The following TBL1XR1 variants were observed in gnomAD, a reference collection of about 807,000 sequenced individuals.
TBL1XR1 encodes the protein TBL1X/Y related 1, also known as F-box-like/WD repeat-containing protein TBL1XR1.
A neutral mutation model predicts 66.9 loss-of-function variants in TBL1XR1; 5 were observed. The ratio of observed to expected loss-of-function variants is 0.07; its 90% confidence interval spans 0.04 to 0.16. The LOEUF is 0.16. TBL1XR1 is among the 10% of genes least tolerant of loss of function. The pLI is 1.00. For missense variants in TBL1XR1, 238 were observed against 623.2 expected, an observed-to-expected ratio of 0.38 and a Z score of 6.58; for synonymous variants, 210 against 206.0, an observed-to-expected ratio of 1.02 and a Z score of -0.17.
chr3:177,172,716 C>T (rs1733710963), intron 1 of TBL1XR1, among the ~76,000 whole-genome samples: 1 of 146,678 alleles, frequency 6.8e-6, no homozygotes, highest in African/African-American at 2.5e-5. Flanking sequence ...AGAGAAGAGC[C>T]AAGCCGAGCC....
At chr3:177,184,747 G>A (rs1735209785) in intron 1 of TBL1XR1, among the ~76,000 whole-genome samples, 2 of 151,472 alleles carry the variant, frequency 1.3e-5, no homozygotes, top group African/African-American at 4.9e-5. Flanking sequence ...GCTGCAGTAA[G>A]CCGATCGCAC....
At chr3:177,196,073 T>C (rs1736815237) in intron 1 of TBL1XR1, among the ~76,000 whole-genome samples, 1 of 152,304 alleles carries the variant, frequency 6.6e-6, no homozygotes, top group Non-Finnish European at 1.5e-5. Flanking sequence ...AATACACCAT[T>C]TTCACAACCT....
chr3:177,184,620 G>A (rs903340249), intron 1 of TBL1XR1, among the ~76,000 whole-genome samples: 1 of 152,126 alleles, frequency 6.6e-6, no homozygotes, highest in Non-Finnish European at 1.5e-5. Context: ...TGTCCAACAT[G>A]GTGAAATCCC....
rs192419909 is a variant in TBL1XR1, at chr3:177,133,137, A to C, written c.-121-34596T>G. Among the ~76,000 whole-genome samples the C allele has an allele frequency of 4.1e-3, 625 of 151,976 alleles. 2 individuals carry two copies. Among genetic ancestry groups the C allele is most frequent in the African/African-American group, 0.014 (566 of 41,452 alleles). On this transcript the variant is annotated intron_variant, in intron 1 of 15. Transcript: ENST00000457928. ...CCCATCTCTACTAAAAATACAAAAA[A>C]CTAGCCGGGCATGGTGGCGCACATC... is the stretch of plus-strand genomic sequence containing the variant.
At chr3:177,118,967 G>GT (rs956725506) in intron 1 of TBL1XR1, among the ~76,000 whole-genome samples, 6 of 151,842 alleles carry the variant, frequency 4.0e-5, no homozygotes, top group South Asian at 2.1e-4. Context: ...GGATAATCAG[G>GT]TTTTTTTTGT....
intron 10 of TBL1XR1, among the ~76,000 whole-genome samples, chr3:177,041,744 A>G (rs991748978): frequency 2.6e-5 from 4 of 152,144 alleles, no homozygotes; most frequent in Non-Finnish European, 4.4e-5. Context: ...GGCTATTGTA[A>G]GTTATGTCCC....
intron 1 of TBL1XR1, among the ~76,000 whole-genome samples, chr3:177,138,496 G>T (rs1343251029): frequency 6.6e-6 from 1 of 152,082 alleles, no homozygotes; most frequent in Non-Finnish European, 1.5e-5. Context: ...GGAGGCTGAG[G>T]TGAGAGGATC....
At chr3:177,147,375 T>A (rs1343119285) in intron 1 of TBL1XR1, among the ~76,000 whole-genome samples, 1 of 152,162 alleles carries the variant, frequency 6.6e-6, no homozygotes, top group Non-Finnish European at 1.5e-5. Context: ...ACTATAAATA[T>A]GTGGTGATGG....
intron 5 of TBL1XR1, 144 bp from the exon 6 acceptor site, chr3:177,050,754 TAC>T (rs1281744353): frequency 3.0e-6 from 2 of 662,362 alleles, no homozygotes; most frequent in African/African-American, 2.0e-5. Context: ...TGAACATGAC[TAC>T]ACAGTCTTAG....
At chr3:177,069,741 GAAAA>G in intron 2 of TBL1XR1, among the ~76,000 whole-genome samples, 1 of 139,684 alleles carries the variant, frequency 7.2e-6, no homozygotes, top group African/African-American at 2.7e-5. Context: ...TCTGACGAAA[GAAAA>G]GAAAGAAAGG....
intron 2 of TBL1XR1, among the ~76,000 whole-genome samples, chr3:177,093,539 A>G (rs1723091503): frequency 6.6e-6 from 1 of 152,192 alleles, no homozygotes; most frequent in Non-Finnish European, 1.5e-5. Flanking sequence ...AAAAGAACCA[A>G]TCTGGAGTCA....
intron 1 of TBL1XR1, among the ~76,000 whole-genome samples, chr3:177,194,630 A>C (rs1217765143): frequency 6.6e-6 from 1 of 152,314 alleles, no homozygotes; most frequent in Non-Finnish European, 1.5e-5. Flanking sequence ...GATTTAATCA[A>C]CAAGTTGATG....
chr3:177,105,770 C>T (rs778079137), intron 1 of TBL1XR1, among the ~76,000 whole-genome samples: 24 of 151,926 alleles, frequency 1.6e-4, no homozygotes, highest in Admixed American at 2.0e-4. Flanking sequence ...ATCCTCCCCA[C>T]CCACCCCGTG....
intron 1 of TBL1XR1, among the ~76,000 whole-genome samples, chr3:177,137,654 G>A (rs1260474221): frequency 2.6e-5 from 4 of 152,064 alleles, no homozygotes; most frequent in African/African-American, 9.7e-5. Flanking sequence ...CACGCAAAAT[G>A]AAGGGAAAAG....
intron 1 of TBL1XR1, among the ~76,000 whole-genome samples, chr3:177,106,566 G>A (rs1418436710): frequency 6.6e-6 from 1 of 152,176 alleles, no homozygotes; most frequent in Non-Finnish European, 1.5e-5. Flanking sequence ...CCCTGGCTCT[G>A]ACTCTTAGTA....
Position 177,134,975 on chromosome 3 carries a change from G to GTGTGTGTGTGTGTGTCTGTT in TBL1XR1, c.-121-36435_-121-36434insAACAGACACACACACACACA, listed in dbSNP as rs1444156762. 3.3e-5 allele frequency among the ~76,000 whole-genome samples: 5 copies of GTGTGTGTGTGTGTGTCTGTT among 150,410 alleles called. No homozygotes were observed. In the East Asian group the frequency reaches 9.9e-4, roughly 30 times the overall value. On this transcript the variant is annotated intron_variant, in intron 1 of 15. Transcript: ENST00000457928. ...TGTGTGTGTGTGTGTGTCTGTGTGT[G>GTGTGTGTGTGTGTGTCTGTT]TGTCTGTGTGTGTGTGTTTTGAGAC...
At chr3:177,049,551 C>T (rs1430835523) in intron 7 of TBL1XR1, among the ~76,000 whole-genome samples, 1 of 152,112 alleles carries the variant, frequency 6.6e-6, no homozygotes, top group East Asian at 1.9e-4. Flanking sequence ...AAAGTTCTAC[C>T]AGTTCACAGA....
chr3:177,108,709 A>G (rs1363715689), intron 1 of TBL1XR1, among the ~76,000 whole-genome samples: 2 of 152,212 alleles, frequency 1.3e-5, no homozygotes, highest in Non-Finnish European at 2.9e-5. Flanking sequence ...CTAAGCAAAA[A>G]AATTGTTTGA....
chr3:177,119,849 A>G (rs1050955023), intron 1 of TBL1XR1, among the ~76,000 whole-genome samples: 1 of 152,168 alleles, frequency 6.6e-6, no homozygotes, highest in African/African-American at 2.4e-5. Flanking sequence ...CATTTTCTAC[A>G]TGGTCATTTT....
Sources: gnomAD v4.1 joint callset for allele counts (sites outside exome capture counted in the v4.1 genomes callset) on GRCh38, gnomAD v4.1.1 for gene constraint, MANE v1.5 for transcripts, NCBI Gene and HGNC (gene_info 2026-07-23, HGNC 2026-07-21) for gene names.